Variants in KIF13B observed in about 807,000 individuals in gnomAD.
The protein encoded by KIF13B is kinesin-like protein KIF13B.
A neutral mutation model predicts 222.0 loss-of-function variants in KIF13B; 127 were observed. The observed-to-expected ratio is 0.57, with a 90% CI of 0.50 to 0.66. The LOEUF (loss-of-function observed/expected upper bound fraction) is 0.66. Ranked by LOEUF, KIF13B falls within the 30% of genes least tolerant of loss-of-function variation. KIF13B has a pLI of 0.00. For missense variants in KIF13B, 2,173 were observed against 2,379.0 expected, an observed-to-expected ratio of 0.91 and a Z score of 1.80; for synonymous variants, 976 against 919.0, an observed-to-expected ratio of 1.06 and a Z score of -1.12.
intron 5 of KIF13B, 81 bp from the exon 6 acceptor site, chr8:29,186,553 CA>C: frequency 8.3e-7 from 1 of 1,198,166 alleles, no homozygotes; most frequent in Non-Finnish European, 1.1e-6. Context: ...TCATAATAAA[CA>C]CTTGGCAAAA....
intron 11 of KIF13B, among the ~76,000 whole-genome samples, chr8:29,166,152 T>C (rs1476138600): frequency 6.6e-6 from 1 of 152,322 alleles, no homozygotes; most frequent in African/African-American, 2.4e-5. Context: ...TATCCACATA[T>C]GTACAGACTA....
chr8:29,233,944 T>G (rs1012121890), intron 2 of KIF13B, among the ~76,000 whole-genome samples: 5 of 152,212 alleles, frequency 3.3e-5, no homozygotes, highest in African/African-American at 1.2e-4. Context: ...AAATAGACAG[T>G]TAAGAGTTAG....
At position 29,140,152 on chromosome 8, in the gene KIF13B, CACT is replaced by C. The variant is rs766172851; in HGVS notation, c.2521_2523del (p.Ser841del). 35 of 1,613,668 alleles carry C rather than the reference CACT, an allele frequency of 2.2e-5. No homozygotes were observed. In the Admixed American group the frequency reaches 4.3e-4, roughly 20 times the overall value. On this transcript the variant is annotated inframe_deletion, in exon 21 of 40. Coordinates refer to ENST00000524189, the MANE Select transcript of KIF13B (RefSeq NM_015254.4). ...CCTGCGATCCTCTCCCCAACATCAC[CACT>C]GAGTCGCATCACCTCCACGTGCAGC...
rs781075161 is a variant in KIF13B, at chr8:29,070,671, C to T, written c.5314G>A (p.Gly1772Ser). The T allele has an allele frequency of 5.8e-6, 9 of 1,562,092 alleles. No homozygotes were observed. Among genetic ancestry groups the T allele is most frequent in the Admixed American group, 3.8e-5 (2 of 52,356 alleles). Residue 1772 changes from glycine to serine, a missense_variant, in exon 40 of 40, where the codon GGC (glycine) becomes AGC (serine). Gly to Ser is a moderately conservative substitution (Grantham distance 56). Around this residue, in one of 2 missense-constraint regions of KIF13B, gnomAD observed 693 missense variants for 656.2 expected, o/e 1.06. Coordinates refer to ENST00000524189, the MANE Select transcript of KIF13B (RefSeq NM_015254.4). This position sits in a 1 kb window ranked among gnomAD's most constrained non-coding sequence, Gnocchi z 4.1. The part of the protein sequence containing the change: ...VRPSRVRRAT[G>S]PVRRRSTGLR... Reference sequence around the variant, plus strand: ...CCTGTGCTGCGCCGCCGCACAGGGCCCGTGGCCCTGCGGACCCGGCTGGGC... The same window carrying T: ...CCTGTGCTGCGCCGCCGCACAGGGCTCGTGGCCCTGCGGACCCGGCTGGGC...
chr8:29,075,046 A>C (rs902974099), intron 38 of KIF13B, among the ~76,000 whole-genome samples: 4 of 152,264 alleles, frequency 2.6e-5, no homozygotes, highest in Non-Finnish European at 4.4e-5. Flanking sequence ...TTAAGGCAGC[A>C]GACTACATTA....
chr8:29,227,059 G>A (rs1815059135), intron 2 of KIF13B, among the ~76,000 whole-genome samples: 1 of 152,150 alleles, frequency 6.6e-6, no homozygotes, highest in African/African-American at 2.4e-5. Context: ...TACTCTTTTA[G>A]GATGCATCAG....
chr8:29,246,709 C>T (rs148164045), intron 1 of KIF13B, among the ~76,000 whole-genome samples: 90 of 152,250 alleles, frequency 5.9e-4, no homozygotes, highest in African/African-American at 2.1e-3. Flanking sequence ...TACTACAAAG[C>T]CACAGTAATC....
Position 29,072,185 on chromosome 8 carries a change from C to T in KIF13B, c.4653G>A (p.Pro1551=), listed in dbSNP as rs375811225. The change falls in exon 39 of 40, where the codon CCG becomes CCA. Residue 1551 remains proline, a synonymous_variant. Transcript: ENST00000524189. ...GGCTGGGGGGCCCGTCCTGTGCCTC[C>T]GGAGCCGGGGTGACCGCTGTGACAG... ...VIAVTAVTPA[P]EAQDGPPSPL... is the part of the protein sequence containing the mutation. 4.9e-6 allele frequency: 7 copies of T among 1,436,046 alleles called. No individual in the cohort carries two copies. In the Admixed American group the frequency reaches 8.5e-5, roughly 17 times the overall value. The allele number at this position is 1,436,046 out of a possible 1,614,324, so 89.0% of individuals were successfully genotyped here.
chr8:29,237,157 C>T (rs1362508654), intron 2 of KIF13B, among the ~76,000 whole-genome samples: 3 of 152,168 alleles, frequency 2.0e-5, no homozygotes, highest in African/African-American at 2.4e-5. Context: ...ACTGCTCCCT[C>T]CATCTTTAAA....
chr8:29,124,656 G>A (rs1810028931), intron 26 of KIF13B, among the ~76,000 whole-genome samples: 1 of 152,044 alleles, frequency 6.6e-6, no homozygotes, highest in African/African-American at 2.4e-5. Flanking sequence ...GGTCAAGGCA[G>A]GCAGATAACC....
In KIF13B at chr8:29,113,518, C is replaced by T. The variant is rs749611889; in HGVS notation, c.3875G>A (p.Arg1292Gln). The change falls in exon 32 of 40, where the codon CGA (arginine) becomes CAA (glutamine). Residue 1292 changes from arginine to glutamine, a missense_variant. Physicochemically the swap from Arg to Gln is conservative, Grantham distance 43 (BLOSUM62 1). Transcript: ENST00000524189. ...CACTCCACAGCCAGGAATAGAACTT[C>T]GATGAGACATCTTTTTTAGGAGACT... ...AQSLLKKMSHRSSIPGCGVTF... is the reference protein window; with the variant it reads ...AQSLLKKMSHQSSIPGCGVTF... The T allele has an allele frequency of 2.1e-5, 33 of 1,593,320 alleles. No homozygotes were observed. The South Asian group carries it at 3.2e-4, about 15-fold the overall frequency.
chr8:29,260,277 C>T (rs931060735), intron 1 of KIF13B, among the ~76,000 whole-genome samples: 5 of 152,186 alleles, frequency 3.3e-5, no homozygotes, highest in South Asian at 4.1e-4. Flanking sequence ...CACACAAGAA[C>T]TTAATACACC....
chr8:29,198,886 C>T (rs1364565524), intron 2 of KIF13B, among the ~76,000 whole-genome samples: 4 of 152,008 alleles, frequency 2.6e-5, no homozygotes, highest in African/African-American at 9.7e-5. Flanking sequence ...CAGAGGCATA[C>T]AGAGTGATAT....
At position 29,228,466 on chromosome 8, in the gene KIF13B, T is replaced by TAAAAAAAAAAA. The variant is rs71551621; in HGVS notation, c.149+16879_149+16880insTTTTTTTTTTT. ...TGGGTGACAGAGCCAGACTCCATCT[T>TAAAAAAAAAAA]AAAAAAATATATATATATATATATG... On this transcript the variant is annotated intron_variant, in intron 2 of 39. Coordinates refer to ENST00000524189, the MANE Select transcript of KIF13B (RefSeq NM_015254.4). 6.9e-4 allele frequency among the ~76,000 whole-genome samples: 47 copies of TAAAAAAAAAAA among 68,268 alleles called. 3 individuals are homozygous for TAAAAAAAAAAA. The highest frequency in any genetic ancestry group is 2.3e-3 in the African/African-American group (45 of 19,302). 44.8% of individuals were successfully genotyped at this position (68,268 alleles called of 152,430 possible).
intron 21 of KIF13B, among the ~76,000 whole-genome samples, chr8:29,137,323 G>T (rs1295451737): frequency 2.0e-5 from 3 of 152,210 alleles, no homozygotes; most frequent in African/African-American, 7.2e-5. Context: ...CAGGCTGTTT[G>T]GGTTTTGTGG....
At chr8:29,139,237 C>CT (rs1456482404) in intron 21 of KIF13B, among the ~76,000 whole-genome samples, 1 of 152,156 alleles carries the variant, frequency 6.6e-6, no homozygotes, top group Non-Finnish European at 1.5e-5. Flanking sequence ...GAATGTACTA[C>CT]TTTTTTTCAG....
intron 2 of KIF13B, among the ~76,000 whole-genome samples, chr8:29,244,304 C>T (rs1218242112): frequency 6.6e-6 from 1 of 152,228 alleles, no homozygotes; most frequent in Non-Finnish European, 1.5e-5. Context: ...TCAGCCACTG[C>T]GCCCAGCCCA....
At chr8:29,073,349 CTCTG>C (rs1173915167) in intron 38 of KIF13B, among the ~76,000 whole-genome samples, 1 of 152,286 alleles carries the variant, frequency 6.6e-6, no homozygotes, top group Non-Finnish European at 1.5e-5. Flanking sequence ...ATGTCGGTCA[CTCTG>C]TCTGAGTCAC....
At chr8:29,113,064 G>GA (rs910453273) in intron 32 of KIF13B, among the ~76,000 whole-genome samples, 12 of 150,724 alleles carry the variant, frequency 8.0e-5, no homozygotes, top group African/African-American at 2.7e-4. Flanking sequence ...CATTTGACAA[G>GA]AAAAAAAAAA....
Sources: gnomAD v4.1 joint callset for allele counts (sites outside exome capture counted in the v4.1 genomes callset) on GRCh38, gnomAD v4.1.1 for gene constraint, gnomAD v4.1.1 regional missense constraint, Gnocchi (gnomAD v3.1) non-coding constraint, MANE v1.5 for transcripts, NCBI Gene and HGNC (gene_info 2026-07-23, HGNC 2026-07-21) for gene names.